The following NUBPL variants were observed in gnomAD, a reference collection of about 807,000 sequenced individuals.
NUBPL encodes the protein iron-sulfur cluster transfer protein NUBPL.
A neutral mutation model predicts 45.7 loss-of-function variants in NUBPL; 31 were observed. That is an observed-to-expected ratio of 0.68 (90% CI 0.51 to 0.92). The LOEUF (loss-of-function observed/expected upper bound fraction) is 0.92, where lower values mean the gene tolerates loss of function less well. Among genes scored for constraint, NUBPL ranks in the 40% least tolerant of loss-of-function variants. The pLI is 0.00. For synonymous variants in NUBPL, 144 were observed against 140.9 expected (o/e 1.02, Z -0.15); for missense variants, 401 against 398.7 (o/e 1.01, Z -0.05).
intron 8 of NUBPL, among the ~76,000 whole-genome samples, chr14:31,827,063 A>T (rs961235821): frequency 1.6e-4 from 25 of 152,172 alleles, no homozygotes; most frequent in Non-Finnish European, 2.5e-4. Flanking sequence ...GCGGATGAAA[A>T]AAAGATTACT....
At chr14:31,788,458 C>T (rs1205043996) in intron 7 of NUBPL, among the ~76,000 whole-genome samples, 1 of 152,110 alleles carries the variant, frequency 6.6e-6, no homozygotes, top group African/African-American at 2.4e-5. Context: ...TAGTTCTTGC[C>T]ACAGTTTTGT....
intron 3 of NUBPL, among the ~76,000 whole-genome samples, chr14:31,593,343 C>A (rs575699158): frequency 1.3e-5 from 2 of 151,778 alleles, no homozygotes; most frequent in Non-Finnish European, 2.9e-5. Flanking sequence ...GAAACCCCAT[C>A]TCTACTAAAA....
chr14:31,567,403 G>A (rs2033464643), intron 3 of NUBPL, among the ~76,000 whole-genome samples: 1 of 152,088 alleles, frequency 6.6e-6, no homozygotes, highest in African/African-American at 2.4e-5. Context: ...TATGTTTTGT[G>A]ATGTGTTTGT....
intron 4 of NUBPL, among the ~76,000 whole-genome samples, chr14:31,625,419 C>T (rs1374240388): frequency 6.6e-6 from 1 of 151,692 alleles, no homozygotes; most frequent in Non-Finnish European, 1.5e-5. Flanking sequence ...TAGCCTAGTA[C>T]ATTGCTATGC....
intron 8 of NUBPL, among the ~76,000 whole-genome samples, chr14:31,839,161 A>G (rs1429616173): frequency 6.6e-6 from 1 of 152,180 alleles, no homozygotes; most frequent in African/African-American, 2.4e-5. Flanking sequence ...CATTCTTCTC[A>G]TGACCACCTT....
At chr14:31,620,659 A>G (rs574647712) in intron 4 of NUBPL, among the ~76,000 whole-genome samples, 2 of 152,282 alleles carry the variant, frequency 1.3e-5, no homozygotes, top group African/African-American at 4.8e-5. Flanking sequence ...TGGAAGCTTC[A>G]TCCCAGAGAG....
intron 7 of NUBPL, among the ~76,000 whole-genome samples, chr14:31,819,221 A>G (rs1052045309): frequency 1.3e-5 from 2 of 152,198 alleles, no homozygotes; most frequent in Non-Finnish European, 2.9e-5. Flanking sequence ...TATATTTGGT[A>G]TTGTTTTTGT....
At chr14:31,819,950 C>G (rs2039986763) in intron 7 of NUBPL, among the ~76,000 whole-genome samples, 1 of 151,934 alleles carries the variant, frequency 6.6e-6, no homozygotes, top group Admixed American at 6.6e-5. Context: ...ACCATCCTGG[C>G]TAACACGGTG....
intron 4 of NUBPL, among the ~76,000 whole-genome samples, chr14:31,627,544 C>T (rs1207262143): frequency 2.6e-5 from 4 of 151,774 alleles, no homozygotes; most frequent in African/African-American, 4.8e-5. Context: ...TTTAGGAGGC[C>T]GAGGCGGGCG....
intron 4 of NUBPL, among the ~76,000 whole-genome samples, chr14:31,670,050 T>C (rs926991548): frequency 3.3e-5 from 5 of 152,148 alleles, no homozygotes; most frequent in African/African-American, 1.2e-4. Flanking sequence ...CTTTGAGGAA[T>C]TGCCATATGC....
At chr14:31,835,462 T>A (rs977703219) in intron 8 of NUBPL, among the ~76,000 whole-genome samples, 1 of 152,222 alleles carries the variant, frequency 6.6e-6, no homozygotes, top group African/African-American at 2.4e-5. Context: ...ATAATACCCA[T>A]CTCATTGGTC....
At chr14:31,592,170 G>A (rs2034159404) in intron 3 of NUBPL, among the ~76,000 whole-genome samples, 2 of 152,164 alleles carry the variant, frequency 1.3e-5, no homozygotes, top group Admixed American at 6.5e-5. Flanking sequence ...AGAAGGAAGA[G>A]CTGGGGCAAA....
At chr14:31,712,693 G>A (rs1307880718) in intron 6 of NUBPL, among the ~76,000 whole-genome samples, 1 of 152,248 alleles carries the variant, frequency 6.6e-6, no homozygotes, top group Non-Finnish European at 1.5e-5. Flanking sequence ...CCTCTCACCA[G>A]TGTTACCAAA....
intron 7 of NUBPL, among the ~76,000 whole-genome samples, chr14:31,798,665 G>A (rs7151228): frequency 0.39 from 58,131 of 149,784 alleles, 11,518 homozygotes; most frequent in South Asian, 0.44. Flanking sequence ...AGTGGCGGGC[G>A]CCTGTAGTCC....
intron 4 of NUBPL, among the ~76,000 whole-genome samples, chr14:31,633,396 G>A (rs887027803): frequency 1.3e-5 from 2 of 152,190 alleles, no homozygotes; most frequent in African/African-American, 4.8e-5. Flanking sequence ...TAACTGAGTA[G>A]AAATTAGTCG....
intron 7 of NUBPL, among the ~76,000 whole-genome samples, chr14:31,788,230 A>C (rs552880229): frequency 6.6e-6 from 1 of 152,312 alleles, no homozygotes; most frequent in African/African-American, 2.4e-5. Flanking sequence ...AGGGTTCAGT[A>C]GTAGCAGCAA....
intron 6 of NUBPL, among the ~76,000 whole-genome samples, chr14:31,736,605 TG>T (rs2038171685): frequency 6.6e-6 from 1 of 152,222 alleles, no homozygotes; most frequent in Admixed American, 6.5e-5. Context: ...TCCATTCTCC[TG>T]TTGACATCTG....
chr14:31,736,192 C>T (rs1442167554), intron 6 of NUBPL, among the ~76,000 whole-genome samples: 4 of 152,262 alleles, frequency 2.6e-5, no homozygotes, highest in Middle Eastern at 6.8e-3. Context: ...AAGGATTAGG[C>T]GACCTCCAAA....
intron 3 of NUBPL, among the ~76,000 whole-genome samples, chr14:31,573,108 G>T (rs1595298003): frequency 6.6e-6 from 1 of 152,236 alleles, no homozygotes; most frequent in East Asian, 1.9e-4. Context: ...AGCACAGTAG[G>T]TTTGTTTACA....
Sources: gnomAD v4.1 joint callset for allele counts (sites outside exome capture counted in the v4.1 genomes callset) on GRCh38, gnomAD v4.1.1 for gene constraint, MANE v1.5 for transcripts, NCBI Gene and HGNC (gene_info 2026-07-23, HGNC 2026-07-21) for gene names.